Variants in BMPR2 observed in about 807,000 individuals in gnomAD.
BMPR2 encodes bone morphogenetic protein receptor type 2, also known as bone morphogenetic protein receptor type-2.
BMPR2 carries 29 observed loss-of-function variants against 100.8 expected under a neutral mutation model. The observed-to-expected ratio is 0.29, with a 90% CI of 0.21 to 0.39. BMPR2 has a LOEUF of 0.39. Ranked by LOEUF, BMPR2 falls within the 10% of genes least tolerant of loss-of-function variation. BMPR2 has a pLI of 1.00. For missense variants in BMPR2, 1,011 were observed against 1,274.5 expected, an observed-to-expected ratio of 0.79 and a Z score of 3.15; for synonymous variants, 382 against 442.3, an observed-to-expected ratio of 0.86 and a Z score of 1.71.
intron 1 of BMPR2, among the ~76,000 whole-genome samples, chr2:202,450,078 C>A (rs1691945463): frequency 6.6e-6 from 1 of 152,014 alleles, no homozygotes; most frequent in South Asian, 2.1e-4. Flanking sequence ...CCACTGCACT[C>A]CAGCCTGGGC....
At chr2:202,412,935 CACTT>C (rs1222795598) in intron 1 of BMPR2, among the ~76,000 whole-genome samples, 1 of 152,130 alleles carries the variant, frequency 6.6e-6, no homozygotes, top group African/African-American at 2.4e-5. Flanking sequence ...TGTGTGTACA[CACTT>C]ACATGCTGTT....
intron 3 of BMPR2, among the ~76,000 whole-genome samples, chr2:202,511,315 A>G (rs1214967351): frequency 6.6e-6 from 1 of 152,210 alleles, no homozygotes; most frequent in Non-Finnish European, 1.5e-5. Flanking sequence ...TCATCAGTTC[A>G]TGAACATTTG....
chr2:202,471,579 A>G (rs1308995802), intron 3 of BMPR2, among the ~76,000 whole-genome samples: 2 of 152,172 alleles, frequency 1.3e-5, no homozygotes, highest in African/African-American at 4.8e-5. Flanking sequence ...ATGAGGTAAT[A>G]TCACACAAAC....
At chr2:202,404,625 A>G (rs888466287) in intron 1 of BMPR2, among the ~76,000 whole-genome samples, 2 of 152,210 alleles carry the variant, frequency 1.3e-5, no homozygotes, top group African/African-American at 4.8e-5. Context: ...CGAGATAAAT[A>G]TATTTCCTTT....
intron 1 of BMPR2, among the ~76,000 whole-genome samples, chr2:202,454,876 C>G (rs1443231118): frequency 6.6e-6 from 1 of 152,166 alleles, no homozygotes; most frequent in African/African-American, 2.4e-5. Flanking sequence ...TTTCACAGCT[C>G]TGGAAGCTGG....
chr2:202,487,221 GT>G (rs989471222), intron 3 of BMPR2, among the ~76,000 whole-genome samples: 3 of 151,308 alleles, frequency 2.0e-5, no homozygotes, highest in South Asian at 2.1e-4. Context: ...TTTTCAAGAG[GT>G]TTTTTTTTCT....
chr2:202,554,129 T>C (rs1382735153), intron 11 of BMPR2, among the ~76,000 whole-genome samples: 1 of 152,220 alleles, frequency 6.6e-6, no homozygotes, highest in Non-Finnish European at 1.5e-5. Flanking sequence ...ATCAAGAAAG[T>C]TAGACACTGG....
At position 202,483,522 on chromosome 2, in the gene BMPR2, C is replaced by T. The variant is rs529717276; in HGVS notation, c.418+15833C>T. 4.6e-5 allele frequency among the ~76,000 whole-genome samples: 7 copies of T among 152,098 alleles called. No individual in the cohort carries two copies. In the South Asian group the frequency reaches 1.2e-3, roughly 27 times the overall value. ...CAAGCCATTCTCCTGCCTCAGCCTC[C>T]CAAGTAGCTGGGATTACAGGTGTGT... On this transcript the variant is annotated intron_variant, in intron 3 of 12. Transcript: ENST00000374580.
At position 202,393,931 on chromosome 2, in the gene BMPR2, G is replaced by GAGAGAGAT. The variant is rs1367568037; in HGVS notation, c.76+16384_76+16385insGAGATAGA. Among the ~76,000 whole-genome samples the GAGAGAGAT allele has an allele frequency of 3.2e-5, 4 of 123,862 alleles. No homozygotes were observed. In the South Asian group the frequency reaches 7.6e-4, roughly 24 times the overall value. 81.3% of individuals were successfully genotyped at this position (123,862 alleles called of 152,430 possible). Reference sequence around the variant, plus strand: ...AGAGAGAGAGAGAGAGAGAGAGAGAGAGATTCCTGTGAGATTCAGCTGAGT... The same window carrying GAGAGAGAT: ...AGAGAGAGAGAGAGAGAGAGAGAGAGAGAGAGATAGATTCCTGTGAGATTCAGCTGAGT... On this transcript the variant is annotated intron_variant, in intron 1 of 12. Transcript: ENST00000374580.
chr2:202,398,287 T>G (rs529647217), intron 1 of BMPR2, among the ~76,000 whole-genome samples: 1 of 152,312 alleles, frequency 6.6e-6, no homozygotes, highest in Admixed American at 6.5e-5. Flanking sequence ...TTCTGTATAA[T>G]GTAAGCTGTC....
At position 202,566,485 on chromosome 2, in the gene BMPR2, A is replaced by G. The variant is rs1688765244; in HGVS notation, c.*6539A>G. 6.6e-6 allele frequency: 1 copy of G among 152,526 alleles called. No individual in the cohort carries two copies. Among genetic ancestry groups the G allele is most frequent in the Non-Finnish European group, 1.5e-5 (1 of 68,012 alleles). The allele number at this position is 152,526 out of a possible 1,614,324, so 9.4% of individuals were successfully genotyped here. A position where few individuals can be genotyped will look rare whatever the true frequency, so the allele number is the denominator to read the frequency against. On this transcript the variant is annotated 3_prime_UTR_variant, in exon 13 of 13. Coordinates refer to ENST00000374580, the MANE Select transcript of BMPR2 (RefSeq NM_001204.7). ...CTGAACAGAGGGAATGACTCAACTA[A>G]TTGGCTACATGTTGCAACAAATTTA...
intron 3 of BMPR2, among the ~76,000 whole-genome samples, chr2:202,479,862 G>A (rs180724035): frequency 5.9e-5 from 9 of 152,192 alleles, no homozygotes; most frequent in Admixed American, 3.3e-4. Flanking sequence ...GAATAATGGT[G>A]ATGAGCATCT....
intron 1 of BMPR2, among the ~76,000 whole-genome samples, chr2:202,429,356 TAC>T (rs1195675128): frequency 2.6e-5 from 4 of 152,070 alleles, no homozygotes; most frequent in Non-Finnish European, 4.4e-5. Context: ...TTCCTACTAC[TAC>T]TCCCCCTTTC....
intron 2 of BMPR2, among the ~76,000 whole-genome samples, chr2:202,466,319 C>T (rs1005877914): frequency 6.6e-6 from 1 of 152,068 alleles, no homozygotes; most frequent in Non-Finnish European, 1.5e-5. Flanking sequence ...TGGAGTCTCG[C>T]TCTGTTACCC....
At chr2:202,498,017 C>G (rs1170156098) in intron 3 of BMPR2, among the ~76,000 whole-genome samples, 2 of 151,962 alleles carry the variant, frequency 1.3e-5, no homozygotes, top group Non-Finnish European at 2.9e-5. Flanking sequence ...AAATTGTATC[C>G]TTCCTATTCA....
chr2:202,467,784 C>A, intron 3 of BMPR2, 95 bp downstream of exon 3: 2 of 1,294,522 alleles, frequency 1.5e-6, no homozygotes, highest in East Asian at 2.4e-5. Context: ...TGAAGCCAGG[C>A]GTGATGGCTC....
chr2:202,463,956 T>G (rs1195024606), intron 1 of BMPR2, among the ~76,000 whole-genome samples: 1 of 152,024 alleles, frequency 6.6e-6, no homozygotes, highest in African/African-American at 2.4e-5. Flanking sequence ...AGTCGAGAGT[T>G]CGGGACCAGC....
rs1379920119 is a variant in BMPR2 at position 202,563,987 on chromosome 2, A to C, written c.*4041A>C. The C allele has an allele frequency of 6.6e-6, 1 of 152,226 alleles. No individual in the cohort carries two copies. Among genetic ancestry groups the C allele is most frequent in the African/African-American group, 2.4e-5 (1 of 41,468 alleles). 9.4% of individuals were successfully genotyped at this position (152,226 alleles called of 1,614,324 possible). A position where few individuals can be genotyped will look rare whatever the true frequency, so the allele number is the denominator to read the frequency against. Reference sequence around the variant, plus strand: ...GTTCTGAATGTGAAAATATTTAAAGAGAGAAAGGAACACTCAAGTAAGTGT... The same window carrying C: ...GTTCTGAATGTGAAAATATTTAAAGCGAGAAAGGAACACTCAAGTAAGTGT... On this transcript the variant is annotated 3_prime_UTR_variant, in exon 13 of 13. Coordinates refer to ENST00000374580, the MANE Select transcript of BMPR2 (RefSeq NM_001204.7).
chr2:202,420,790 A>C (rs1419697783), intron 1 of BMPR2, among the ~76,000 whole-genome samples: 1 of 150,996 alleles, frequency 6.6e-6, no homozygotes, highest in Non-Finnish European at 1.5e-5. Context: ...CAGGTCATCC[A>C]CCTGCCTTGG....
Sources: allele counts gnomAD v4.1 joint callset (sites outside exome capture counted in the v4.1 genomes callset), GRCh38; gene constraint gnomAD v4.1.1; transcripts MANE v1.5; gene names NCBI Gene and HGNC (gene_info 2026-07-23, HGNC 2026-07-21).